LINGO2: variants seen among roughly 807,000 people sequenced by gnomAD.
LINGO2 encodes the protein leucine-rich repeat and immunoglobulin-like domain-containing nogo receptor-interacting protein 2.
LINGO2 carries 14 observed loss-of-function variants against 30.6 expected under a neutral mutation model. The observed-to-expected ratio is 0.46, with a 90% CI of 0.30 to 0.72. The LOEUF (loss-of-function observed/expected upper bound fraction) is 0.72, where lower values mean the gene tolerates loss of function less well. Among genes scored for constraint, LINGO2 ranks in the 30% least tolerant of loss-of-function variants. LINGO2 has a pLI of 0.07. For missense variants in LINGO2, 729 were observed against 751.7 expected (o/e 0.97, Z 0.35); for synonymous variants, 317 against 288.5 (o/e 1.10, Z -1.00).
chr9:29,043,279 A>C, the LINGO2 span, among the ~76,000 whole-genome samples: 1 of 151,332 alleles, frequency 6.6e-6, no homozygotes, highest in Non-Finnish European at 1.5e-5. Flanking sequence ...CATAGGAGTT[A>C]AGAAACTTGG....
chr9:28,698,749 C>T, the LINGO2 span, among the ~76,000 whole-genome samples: 3 of 151,866 alleles, frequency 2.0e-5, no homozygotes, highest in Admixed American at 6.6e-5. Flanking sequence ...ATCAACATCC[C>T]CCACCAGGCC....
intron 3 of LINGO2, among the ~76,000 whole-genome samples, chr9:28,339,236 C>T (rs1366227685): frequency 3.3e-5 from 5 of 151,776 alleles, no homozygotes; most frequent in Non-Finnish European, 7.4e-5. Flanking sequence ...TTTAATGGAA[C>T]TAATATTAAT....
At chr9:28,939,812 T>C in the LINGO2 span, among the ~76,000 whole-genome samples, 2 of 152,120 alleles carry the variant, frequency 1.3e-5, no homozygotes, top group African/African-American at 4.8e-5. Flanking sequence ...CTACCCCACC[T>C]TTCTGAATTC....
the LINGO2 span, among the ~76,000 whole-genome samples, chr9:28,935,052 C>T: frequency 6.6e-6 from 1 of 151,958 alleles, no homozygotes; most frequent in Admixed American, 6.6e-5. Flanking sequence ...CTCATCAATA[C>T]TGGTCTTTAG....
At chr9:28,616,642 T>C (rs1473111489) in intron 1 of LINGO2, among the ~76,000 whole-genome samples, 1 of 152,202 alleles carries the variant, frequency 6.6e-6, no homozygotes, top group Admixed American at 6.5e-5. Context: ...CCCTGATTAT[T>C]GCCCTTTAAT....
At chr9:28,869,228 T>C in the LINGO2 span, among the ~76,000 whole-genome samples, 3 of 152,092 alleles carry the variant, frequency 2.0e-5, no homozygotes, top group South Asian at 6.2e-4. Flanking sequence ...TGTTCCATCC[T>C]TCAGGGAGCT....
At chr9:28,044,153 G>A (rs1249485323) in intron 4 of LINGO2, among the ~76,000 whole-genome samples, 3 of 152,128 alleles carry the variant, frequency 2.0e-5, no homozygotes, top group Admixed American at 6.5e-5. Context: ...TGGGCATGAT[G>A]CAGTTGAAAG....
chr9:28,226,669 AAG>A (rs1330858350), intron 4 of LINGO2, among the ~76,000 whole-genome samples: 11 of 94,912 alleles, frequency 1.2e-4, no homozygotes, highest in Non-Finnish European at 2.0e-4. Context: ...GAAAGAAAGA[AAG>A]AAAGAAAGAA....
chr9:29,192,712 T>A, the LINGO2 span, among the ~76,000 whole-genome samples: 1 of 152,172 alleles, frequency 6.6e-6, no homozygotes, highest in Admixed American at 6.5e-5. Flanking sequence ...TATTACTTTG[T>A]TTGATTTTCT....
chr9:28,109,313 G>T (rs1035048970), intron 4 of LINGO2, among the ~76,000 whole-genome samples: 1 of 152,162 alleles, frequency 6.6e-6, no homozygotes, highest in Non-Finnish European at 1.5e-5. Flanking sequence ...AAAGCTGGAA[G>T]CATTCCCTTT....
chr9:28,388,360 T>C (rs770110960), intron 2 of LINGO2, among the ~76,000 whole-genome samples: 1 of 152,174 alleles, frequency 6.6e-6, no homozygotes, highest in African/African-American at 2.4e-5. Context: ...ATTGTAAACA[T>C]TGCTGCTGTT....
At chr9:28,164,607 G>C (rs1405545866) in intron 4 of LINGO2, among the ~76,000 whole-genome samples, 1 of 152,132 alleles carries the variant, frequency 6.6e-6, no homozygotes, top group African/African-American at 2.4e-5. Context: ...TAAATGTCTT[G>C]AGAGTACAAA....
chr9:28,709,042 T>C, the LINGO2 span, among the ~76,000 whole-genome samples: 1 of 152,158 alleles, frequency 6.6e-6, no homozygotes, highest in Admixed American at 6.6e-5. Context: ...TTTAATCTTA[T>C]GTCCTCAAGG....
intron 2 of LINGO2, among the ~76,000 whole-genome samples, chr9:28,380,817 G>A (rs942022065): frequency 6.6e-6 from 1 of 151,998 alleles, no homozygotes; most frequent in African/African-American, 2.4e-5. Context: ...ATAAGAACAT[G>A]GAACACTAAG....
chr9:29,119,777 T>C, the LINGO2 span, among the ~76,000 whole-genome samples: 2 of 151,946 alleles, frequency 1.3e-5, no homozygotes, highest in Non-Finnish European at 2.9e-5. Context: ...TTTGTGTTTT[T>C]AGTAGAGATG....
intron 4 of LINGO2, among the ~76,000 whole-genome samples, chr9:28,293,837 G>A (rs1380706568): frequency 2.0e-5 from 3 of 152,076 alleles, no homozygotes; most frequent in Non-Finnish European, 2.9e-5. Flanking sequence ...AAGTATTTTC[G>A]CTACAGTTAT....
chr9:28,286,420 A>G (rs1358817258), intron 4 of LINGO2, among the ~76,000 whole-genome samples: 1 of 152,240 alleles, frequency 6.6e-6, no homozygotes, highest in Non-Finnish European at 1.5e-5. Context: ...AAAGACTTAA[A>G]GACAGAAATA....
rs148685184 is a variant in LINGO2 at position 28,065,014 on chromosome 9, G to A, written c.-86-52609C>T. On this transcript the variant is annotated intron_variant, in intron 4 of 5. Coordinates refer to ENST00000379992, the Ensembl canonical transcript of LINGO2. Reference sequence around the variant, plus strand: ...CTTACAAAAATCCATATTATAGGACGCACAACATTCCTACACATGCTGCTT... The same window carrying A: ...CTTACAAAAATCCATATTATAGGACACACAACATTCCTACACATGCTGCTT... 2.2e-3 allele frequency among the ~76,000 whole-genome samples: 330 copies of A among 150,798 alleles called. 12 individuals are homozygous for A. In the South Asian group the frequency reaches 0.046, roughly 21 times the overall value.
the LINGO2 span, among the ~76,000 whole-genome samples, chr9:29,047,836 C>T: frequency 6.6e-6 from 1 of 152,168 alleles, no homozygotes; most frequent in Admixed American, 6.5e-5. Flanking sequence ...TGTGGTGGCT[C>T]ATGCCCATAA....
Sources: allele counts gnomAD v4.1 joint callset (sites outside exome capture counted in the v4.1 genomes callset), GRCh38; gene constraint gnomAD v4.1.1; transcripts MANE v1.5; gene names NCBI Gene and HGNC (gene_info 2026-07-23, HGNC 2026-07-21).